Variants in STOX2 observed in about 807,000 individuals in gnomAD.
STOX2 encodes storkhead-box protein 2.
In STOX2, 28 loss-of-function variants were observed where a neutral mutation model predicts 60.9. That is an observed-to-expected ratio of 0.46 (90% CI 0.34 to 0.63). The LOEUF is 0.63. STOX2 is among the 30% of genes least tolerant of loss of function. The pLI, the probability that STOX2 is intolerant of heterozygous loss-of-function variation, is 0.01. For missense variants in STOX2, 1,024 were observed against 1,187.7 expected (o/e 0.86, Z 2.03); for synonymous variants, 472 against 463.9 (o/e 1.02, Z -0.22).
intron 1 of STOX2, among the ~76,000 whole-genome samples, chr4:183,957,767 T>C: frequency 6.6e-6 from 1 of 152,226 alleles, no homozygotes; most frequent in East Asian, 1.9e-4. Context: ...GATGATCAAT[T>C]ATTTCTCTAA....
rs1738895011 is a variant in STOX2 at position 183,806,574 on chromosome 4, C to CTG, written c.364+8519_364+8520insTG. Among the ~76,000 whole-genome samples, 1 of 152,140 alleles carries CTG rather than the reference C, an allele frequency of 6.6e-6. No individual in the cohort carries two copies. The highest frequency in any genetic ancestry group is 6.6e-5 in the Admixed American group (1 of 15,266). ...AAGGCTGGCTTCCCAGAGCAGTGAC[C>CTG]CGCTGTGGCCTGCTTCCTGAGAGCT... On this transcript the variant is annotated intron_variant, in intron 1 of 2. Transcript: ENST00000513034. This position sits in a 1 kb window ranked among gnomAD's most constrained non-coding sequence, Gnocchi z 4.1.
At chr4:183,857,538 C>T (rs1253468692) in intron 1 of STOX2, among the ~76,000 whole-genome samples, 4 of 152,234 alleles carry the variant, frequency 2.6e-5, no homozygotes, top group South Asian at 4.1e-4. Flanking sequence ...AGGTTCTGCC[C>T]GATTCAGCTT....
chr4:183,874,952 A>AATATATAT (rs759209967), intron 1 of STOX2, among the ~76,000 whole-genome samples: 39 of 44,608 alleles, frequency 8.7e-4, no homozygotes, highest in African/African-American at 2.8e-3. Flanking sequence ...AAAAAAAAAA[A>AATATATAT]ATATATATAT....
intron 1 of STOX2, among the ~76,000 whole-genome samples, chr4:183,837,141 T>C (rs926443654): frequency 6.6e-6 from 1 of 152,136 alleles, no homozygotes; most frequent in African/African-American, 2.4e-5. Context: ...CTTGGAGCTT[T>C]CTCGGGGAGT....
intron 1 of STOX2, among the ~76,000 whole-genome samples, chr4:183,822,536 G>C (rs1739325254): frequency 6.6e-6 from 1 of 152,196 alleles, no homozygotes; most frequent in African/African-American, 2.4e-5. Flanking sequence ...TCAGGCATTA[G>C]ATTCTCATAA....
chr4:183,900,726 G>A (rs777173443), upstream of STOX2, among the ~76,000 whole-genome samples: 11 of 152,096 alleles, frequency 7.2e-5, no homozygotes, highest in Non-Finnish European at 1.3e-4. Flanking sequence ...TGGGGTCTTT[G>A]AAAATCATTT....
chr4:184,006,832 C>A (rs1481335555), intron 2 of STOX2, among the ~76,000 whole-genome samples: 3 of 150,616 alleles, frequency 2.0e-5, no homozygotes. Context: ...CCGGCTAAAA[C>A]GGTGAAACCC....
chr4:183,895,584 G>A (rs2309936), intron 1 of STOX2, among the ~76,000 whole-genome samples: 148,031 of 152,350 alleles, frequency 0.97, 72,041 homozygotes, highest in East Asian at 1. Context: ...ATTCGACACA[G>A]TTCACTAATT....
At chr4:183,827,883 A>G (rs1420547013) in intron 1 of STOX2, among the ~76,000 whole-genome samples, 2 of 151,820 alleles carry the variant, frequency 1.3e-5, no homozygotes, top group Non-Finnish European at 2.9e-5. Flanking sequence ...CCTCAAAAAA[A>G]AAAAAAAAAA....
At chr4:183,846,935 G>C (rs1282722368) in intron 1 of STOX2, among the ~76,000 whole-genome samples, 1 of 151,950 alleles carries the variant, frequency 6.6e-6, no homozygotes, top group Non-Finnish European at 1.5e-5. Context: ...TGTGGTTGCT[G>C]TTTCTTTGTT....
At chr4:183,997,967 T>G (rs1357057192) in intron 1 of STOX2, among the ~76,000 whole-genome samples, 6 of 152,166 alleles carry the variant, frequency 3.9e-5, no homozygotes, top group Admixed American at 3.3e-4. Context: ...CCAAACAAAT[T>G]GTTTCAGCTA....
intron 1 of STOX2, among the ~76,000 whole-genome samples, chr4:183,814,736 A>G (rs113384995): frequency 1.3e-5 from 2 of 152,350 alleles, no homozygotes; most frequent in African/African-American, 4.8e-5. Context: ...TGTGGCCAGC[A>G]TTTAGGACCC....
chr4:183,948,329 T>C (rs897350273), intron 1 of STOX2, among the ~76,000 whole-genome samples: 3 of 151,292 alleles, frequency 2.0e-5, no homozygotes, highest in Non-Finnish European at 2.9e-5. Context: ...GAGAATCAAT[T>C]TTTAGGTTGC....
chr4:183,854,854 A>G (rs1256549509), intron 1 of STOX2, among the ~76,000 whole-genome samples: 1 of 152,170 alleles, frequency 6.6e-6, no homozygotes, highest in Non-Finnish European at 1.5e-5. Flanking sequence ...TAAACAGGGA[A>G]TGTTTTTTTT....
intron 1 of STOX2, among the ~76,000 whole-genome samples, chr4:183,843,143 A>G (rs1222206131): frequency 1.6e-5 from 2 of 121,650 alleles, no homozygotes; most frequent in Non-Finnish European, 3.5e-5. Context: ...GCGAGACTCC[A>G]TCTCAAAAAA....
At chr4:183,965,123 C>T (rs1207410259) in intron 1 of STOX2, among the ~76,000 whole-genome samples, 2 of 152,116 alleles carry the variant, frequency 1.3e-5, no homozygotes, top group Admixed American at 1.3e-4. Context: ...GCAGTTATGC[C>T]GTGTTTATGA....
chr4:183,882,793 G>C (rs889896457), intron 1 of STOX2, among the ~76,000 whole-genome samples: 6 of 152,224 alleles, frequency 3.9e-5, no homozygotes, highest in African/African-American at 1.2e-4. Flanking sequence ...CAGAGGCTAA[G>C]AGACAGGCTT....
chr4:183,947,068 C>T (rs888119553), intron 1 of STOX2, among the ~76,000 whole-genome samples: 6 of 83,144 alleles, frequency 7.2e-5, no homozygotes, highest in East Asian at 4.4e-4. Flanking sequence ...CCGTGGATTT[C>T]GGTATCCTGG....
intron 1 of STOX2, among the ~76,000 whole-genome samples, chr4:183,872,487 T>C (rs1740715712): frequency 6.6e-6 from 1 of 152,156 alleles, no homozygotes; most frequent in Non-Finnish European, 1.5e-5. Flanking sequence ...ACTTTTTATG[T>C]ATTTAAAAAA....
Sources: gnomAD v4.1 joint callset for allele counts (sites outside exome capture counted in the v4.1 genomes callset) on GRCh38, gnomAD v4.1.1 for gene constraint, Gnocchi (gnomAD v3.1) non-coding constraint, MANE v1.5 for transcripts, NCBI Gene and HGNC (gene_info 2026-07-23, HGNC 2026-07-21) for gene names.